MAN2A1: variants seen among roughly 807,000 people sequenced by gnomAD.
The protein encoded by MAN2A1 is mannosidase alpha class 2A member 1.
Under a neutral mutation model 142.6 loss-of-function variants are expected in MAN2A1, and 76 were observed. The observed-to-expected ratio is 0.53, with a 90% CI of 0.44 to 0.65. The LOEUF (loss-of-function observed/expected upper bound fraction) is 0.65. Among genes scored for constraint, MAN2A1 ranks in the 30% least tolerant of loss-of-function variants. The pLI, the probability that MAN2A1 is intolerant of heterozygous loss-of-function variation, is 0.00. For missense variants in MAN2A1, 1,311 were observed against 1,365.1 expected (o/e 0.96, Z 0.62); for synonymous variants, 559 against 473.2 (o/e 1.18, Z -2.35).
At chr5:109,833,950 C>G (rs1196694244) in intron 16 of MAN2A1, among the ~76,000 whole-genome samples, 5 of 152,080 alleles carry the variant, frequency 3.3e-5, no homozygotes, top group African/African-American at 7.2e-5. Context: ...CAGTCAGACA[C>G]CAATATGTTG....
chr5:109,808,082 T>C (rs1463157669), intron 12 of MAN2A1, among the ~76,000 whole-genome samples: 2 of 152,250 alleles, frequency 1.3e-5, no homozygotes, highest in African/African-American at 4.8e-5. Context: ...TTATCTACTT[T>C]TCTAACTTCA....
chr5:109,773,708 C>T (rs1235326695), intron 7 of MAN2A1, among the ~76,000 whole-genome samples: 1 of 152,172 alleles, frequency 6.6e-6, no homozygotes, highest in East Asian at 1.9e-4. Flanking sequence ...TCAGAGATTA[C>T]AAATGTAAAA....
chr5:109,730,013 A>G (rs1192396626), intron 4 of MAN2A1, among the ~76,000 whole-genome samples: 1 of 152,102 alleles, frequency 6.6e-6, no homozygotes, highest in East Asian at 1.9e-4. Context: ...ATCCTATGTT[A>G]CAACTTTGTC....
intron 12 of MAN2A1, among the ~76,000 whole-genome samples, chr5:109,812,340 T>C (rs1430883406): frequency 6.6e-6 from 1 of 152,086 alleles, no homozygotes; most frequent in Non-Finnish European, 1.5e-5. Flanking sequence ...GAAGATCTAG[T>C]ATAACTCAAA....
chr5:109,814,715 T>C (rs1754406413), intron 12 of MAN2A1, among the ~76,000 whole-genome samples: 3 of 152,118 alleles, frequency 2.0e-5, no homozygotes, highest in Admixed American at 6.5e-5. Flanking sequence ...TAGCTTATTA[T>C]AAAAAGTGAT....
At chr5:109,855,417 A>T (rs916938780) in intron 20 of MAN2A1, 83 bp downstream of exon 20, 26 of 845,762 alleles carry the variant, frequency 3.1e-5, no homozygotes, top group Non-Finnish European at 4.4e-5. Flanking sequence ...GAAAAAAATA[A>T]TGTATGCTTT....
In MAN2A1 at chr5:109,758,673, T is replaced by C. The variant is rs543345186; in HGVS notation, c.835+3217T>C. The stretch of plus-strand genomic sequence containing the variant: ...GTGATTAAATTAACTAAATATTATA[T>C]TTAGTTAATATTATATAGTTAATAT... On this transcript the variant is annotated intron_variant, in intron 5 of 21. Transcript: ENST00000261483. 5.3e-4 allele frequency among the ~76,000 whole-genome samples: 79 copies of C among 148,652 alleles called. No homozygotes were observed. The South Asian group carries it at 0.01, about 20-fold the overall frequency.
intron 16 of MAN2A1, among the ~76,000 whole-genome samples, chr5:109,825,152 T>C (rs911504437): frequency 1.2e-4 from 19 of 152,330 alleles, no homozygotes; most frequent in Admixed American, 6.5e-4. Context: ...AGAAACTGTT[T>C]TTGATCATCT....
chr5:109,853,616 C>A (rs1755536789), intron 19 of MAN2A1: 1 of 152,110 alleles, frequency 6.6e-6, no homozygotes, highest in African/African-American at 2.4e-5. Context: ...TTAATACTTC[C>A]CAGATTTGAT....
At chr5:109,817,709 G>A (rs1754504086) in intron 13 of MAN2A1, among the ~76,000 whole-genome samples, 2 of 152,084 alleles carry the variant, frequency 1.3e-5, no homozygotes. Flanking sequence ...TTGTAAGGAT[G>A]CATACTGTTT....
At chr5:109,814,042 G>A (rs547813387) in intron 12 of MAN2A1, among the ~76,000 whole-genome samples, 1 of 152,206 alleles carries the variant, frequency 6.6e-6, no homozygotes, top group South Asian at 2.1e-4. Context: ...GAATTATGGG[G>A]GCCCAATGTC....
intron 10 of MAN2A1, among the ~76,000 whole-genome samples, chr5:109,788,422 A>C (rs535800831): frequency 1.3e-5 from 2 of 151,852 alleles, no homozygotes; most frequent in South Asian, 4.1e-4. Flanking sequence ...TCTGTCAAAA[A>C]CTCTTGTTCT....
intron 16 of MAN2A1, among the ~76,000 whole-genome samples, chr5:109,825,879 T>TTTTC (rs977056123): frequency 6.6e-6 from 1 of 150,920 alleles, no homozygotes; most frequent in Non-Finnish European, 1.5e-5. Context: ...TATTCTTTAG[T>TTTTC]TTTCTTTCTT....
chr5:109,775,368 T>C (rs770546307), intron 8 of MAN2A1, among the ~76,000 whole-genome samples: 69 of 152,172 alleles, frequency 4.5e-4, no homozygotes, highest in Non-Finnish European at 7.1e-4. Flanking sequence ...CAGATGCAGA[T>C]GAACATGTCA....
intron 12 of MAN2A1, among the ~76,000 whole-genome samples, chr5:109,809,378 T>A (rs977565658): frequency 1.3e-5 from 2 of 152,110 alleles, no homozygotes; most frequent in Non-Finnish European, 2.9e-5. Flanking sequence ...CAATCTCATG[T>A]TTCCCTCTGA....
intron 1 of MAN2A1, among the ~76,000 whole-genome samples, chr5:109,699,292 G>A (rs1354981008): frequency 6.6e-6 from 1 of 151,952 alleles, no homozygotes; most frequent in Non-Finnish European, 1.5e-5. Flanking sequence ...ATTTCATTCT[G>A]TGACTGAATG....
intron 5 of MAN2A1, among the ~76,000 whole-genome samples, chr5:109,764,652 A>T (rs1347503689): frequency 6.6e-6 from 1 of 152,090 alleles, no homozygotes; most frequent in Non-Finnish European, 1.5e-5. Flanking sequence ...TCTTTATTCC[A>T]TTGCAGCTAG....
At chr5:109,831,354 G>A (rs1298566405) in intron 16 of MAN2A1, among the ~76,000 whole-genome samples, 1 of 152,128 alleles carries the variant, frequency 6.6e-6, no homozygotes, top group African/African-American at 2.4e-5. Flanking sequence ...GAATTGGGGA[G>A]GATTTAATGA....
intron 12 of MAN2A1, among the ~76,000 whole-genome samples, chr5:109,791,818 A>G (rs1252969648): frequency 6.6e-6 from 1 of 152,102 alleles, no homozygotes; most frequent in Non-Finnish European, 1.5e-5. Flanking sequence ...AATGTAAAAA[A>G]GATTGAGAAA....
Sources: allele counts gnomAD v4.1 joint callset (sites outside exome capture counted in the v4.1 genomes callset), GRCh38; gene constraint gnomAD v4.1.1; transcripts MANE v1.5; gene names NCBI Gene and HGNC (gene_info 2026-07-23, HGNC 2026-07-21).